The following ZNF18 variants were observed in gnomAD, a reference collection of about 807,000 sequenced individuals.
ZNF18 encodes the protein heart development-specific gene 1 protein.
ZNF18 carries 42 observed loss-of-function variants against 58.1 expected under a neutral mutation model. The ratio of observed to expected loss-of-function variants is 0.72; its 90% CI spans 0.56 to 0.93. The LOEUF (loss-of-function observed/expected upper bound fraction) is 0.93. Among genes scored for constraint, ZNF18 ranks in the 40% least tolerant of loss-of-function variants. The pLI is 0.00. For synonymous variants in ZNF18, 231 were observed against 239.8 expected (o/e 0.96, Z 0.34); for missense variants, 540 against 644.2 (o/e 0.84, Z 1.75).
At chr17:12,009,762 C>A in the ZNF18 span, among the ~76,000 whole-genome samples, 10 of 152,138 alleles carry the variant, frequency 6.6e-5, no homozygotes, top group East Asian at 1.9e-3. Flanking sequence ...CATTCCTGAG[C>A]TTTTAAATCA....
Position 11,992,429 on chromosome 17 carries a change from T to A in ZNF18, c.387+14A>T. ...CCTGTGTTTCACTCGCAGATCATAA[T>A]ACCCTCTGCTTACCCATTGCCACAG... is the stretch of plus-strand genomic sequence containing the variant. On this transcript the variant is annotated intron_variant, in intron 2 of 6. Coordinates refer to ENST00000580306, the MANE Select transcript of ZNF18 (RefSeq NM_001303281.2). The A allele has an allele frequency of 6.2e-7, 1 of 1,610,458 alleles. No homozygotes were observed. The highest frequency in any genetic ancestry group is 8.5e-7 in the Non-Finnish European group (1 of 1,177,732).
At chr17:11,980,320 C>T (rs1567598202) in intron 6 of ZNF18, among the ~76,000 whole-genome samples, 2 of 152,118 alleles carry the variant, frequency 1.3e-5, no homozygotes, top group Non-Finnish European at 2.9e-5. Flanking sequence ...TTTTCATACT[C>T]GAAGACTGCT....
At chr17:12,002,308 G>C (rs912244834), upstream of ZNF18, 4 of 152,184 alleles carry the variant, frequency 2.6e-5, no homozygotes, top group African/African-American at 9.7e-5. Flanking sequence ...GCTGAGGCAG[G>C]AGAATAGCTT....
intron 1 of ZNF18, among the ~76,000 whole-genome samples, chr17:11,995,180 AG>A (rs542582144): frequency 1.8e-3 from 280 of 152,128 alleles, no homozygotes; most frequent in Middle Eastern, 0.01. Flanking sequence ...CGTCCAAGGC[AG>A]GGGGATCATT....
chr17:11,997,610 A>T (rs947995657), upstream of ZNF18: 1 of 152,270 alleles, frequency 6.6e-6, no homozygotes, highest in Non-Finnish European at 1.5e-5. Context: ...GCAGCCCAGG[A>T]GCCTCCACCG....
intron 4 of ZNF18, among the ~76,000 whole-genome samples, chr17:11,984,605 C>T (rs1387942994): frequency 6.6e-6 from 1 of 151,940 alleles, no homozygotes; most frequent in Non-Finnish European, 1.5e-5. Flanking sequence ...CCTCCACCTC[C>T]CAGGTTCAAG....
In ZNF18 at chr17:11,992,911, A is replaced by G; in HGVS notation, c.-82T>C. 3 of 1,458,844 alleles carry G rather than the reference A, an allele frequency of 2.1e-6. No homozygotes were observed. The highest frequency in any genetic ancestry group is 1.3e-5 in the South Asian group (1 of 74,934). The allele number at this position is 1,458,844 out of a possible 1,614,324, so 90.4% of individuals were successfully genotyped here. A position where few individuals can be genotyped will look rare whatever the true frequency, so the allele number is the denominator to read the frequency against. On this transcript the variant is annotated splice_region_variant and 5_prime_UTR_variant, in exon 2 of 7. Coordinates refer to ENST00000580306, the MANE Select transcript of ZNF18 (RefSeq NM_001303281.2). ...GCAAGAACTAGGTCTTCACCAGGAC[A>G]CTAAAAAGGGAATGAGATTGAGTGC...
At chr17:12,000,506 C>T (rs1283349414), upstream of ZNF18, among the ~76,000 whole-genome samples, 1 of 152,068 alleles carries the variant, frequency 6.6e-6, no homozygotes, top group Admixed American at 6.6e-5. Flanking sequence ...GTCTGCACTT[C>T]GAGACCAGCC....
upstream of ZNF18, chr17:11,998,241 T>C (rs1968585198): frequency 6.6e-6 from 1 of 152,328 alleles, no homozygotes; most frequent in South Asian, 2.1e-4. Flanking sequence ...AAGACCTTCT[T>C]ACCCTTTCCC....
chr17:11,981,181 T>C (rs932712911), intron 6 of ZNF18, among the ~76,000 whole-genome samples: 2 of 152,182 alleles, frequency 1.3e-5, no homozygotes, highest in Admixed American at 6.5e-5. Context: ...CTTCCACAAT[T>C]ATTCTAGGTC....
upstream of ZNF18, among the ~76,000 whole-genome samples, chr17:12,001,312 G>A (rs1968651477): frequency 6.6e-6 from 1 of 152,170 alleles, no homozygotes; most frequent in Non-Finnish European, 1.5e-5. Flanking sequence ...CTATTGCACA[G>A]TGTGGTAACC....
intron 4 of ZNF18, among the ~76,000 whole-genome samples, chr17:11,989,134 A>G (rs1016909951): frequency 4.6e-5 from 7 of 151,268 alleles, no homozygotes; most frequent in Admixed American, 4.0e-4. Context: ...ACTCCAGCCT[A>G]GGCAACACAG....
At chr17:12,000,372 C>T (rs1968635304), upstream of ZNF18, among the ~76,000 whole-genome samples, 1 of 152,118 alleles carries the variant, frequency 6.6e-6, no homozygotes, top group African/African-American at 2.4e-5. Flanking sequence ...AGCAGGAAAA[C>T]AGAGAGTGGT....
chr17:11,990,832 G>C, intron 3 of ZNF18, 142 bp downstream of exon 3: 1 of 945,668 alleles, frequency 1.1e-6, no homozygotes, highest in Non-Finnish European at 1.6e-6. Context: ...CTCCAAACAA[G>C]AGCGGTTTAT....
the ZNF18 span, among the ~76,000 whole-genome samples, chr17:12,012,401 C>T: frequency 6.6e-6 from 1 of 152,056 alleles, no homozygotes; most frequent in Non-Finnish European, 1.5e-5. Flanking sequence ...TATTTTGCTA[C>T]AAAAATACTA....
intron 3 of ZNF18, 142 bp downstream of exon 3, chr17:11,990,832 G>A: frequency 1.1e-6 from 1 of 945,668 alleles, no homozygotes; most frequent in Non-Finnish European, 1.6e-6. Flanking sequence ...CTCCAAACAA[G>A]AGCGGTTTAT....
chr17:12,000,520 C>A (rs1968638497), upstream of ZNF18, among the ~76,000 whole-genome samples: 1 of 152,122 alleles, frequency 6.6e-6, no homozygotes, highest in South Asian at 2.1e-4. Context: ...ACCAGCCTAA[C>A]CAACATGGAG....
upstream of ZNF18, among the ~76,000 whole-genome samples, chr17:12,001,621 T>A (rs1968657660): frequency 6.6e-6 from 1 of 151,784 alleles, no homozygotes; most frequent in Non-Finnish European, 1.5e-5. Context: ...ACAGAGAGAC[T>A]CCGTCTCAAA....
intron 4 of ZNF18, among the ~76,000 whole-genome samples, chr17:11,989,746 T>C (rs1967978096): frequency 6.6e-6 from 1 of 151,836 alleles, no homozygotes; most frequent in African/African-American, 2.4e-5. Context: ...TCAGATACTA[T>C]AAAAGAAAAG....
Sources: allele counts gnomAD v4.1 joint callset (sites outside exome capture counted in the v4.1 genomes callset), GRCh38; gene constraint gnomAD v4.1.1; transcripts MANE v1.5; gene names NCBI Gene and HGNC (gene_info 2026-07-23, HGNC 2026-07-21).